Variants in CNBD1 observed in about 807,000 individuals in gnomAD.
The protein encoded by CNBD1 is cyclic nucleotide binding domain containing 1.
Under a neutral mutation model 54.4 loss-of-function variants are expected in CNBD1, and 71 were observed. The observed-to-expected ratio is 1.30, with a 90% CI of 1.08 to 1.59. CNBD1 has a LOEUF of 1.59. Ranked by LOEUF, CNBD1 falls within the 40% of genes most tolerant of loss-of-function variation. The pLI is 0.00. For missense variants in CNBD1, 659 were observed against 518.0 expected (o/e 1.27, Z -2.64); for synonymous variants, 182 against 170.7 (o/e 1.07, Z -0.51).
At chr8:87,288,255 T>G (rs908384680) in intron 8 of CNBD1, among the ~76,000 whole-genome samples, 12 of 152,042 alleles carry the variant, frequency 7.9e-5, no homozygotes, top group African/African-American at 2.9e-4. Context: ...TTTCACCATA[T>G]TTGCTATTTT....
At chr8:87,180,675 T>A (rs1244511166) in intron 4 of CNBD1, among the ~76,000 whole-genome samples, 2 of 152,194 alleles carry the variant, frequency 1.3e-5, no homozygotes, top group Non-Finnish European at 2.9e-5. Context: ...CTGTACCAAT[T>A]AAAACTTAGA....
chr8:87,149,790 G>T (rs747683941), intron 4 of CNBD1, among the ~76,000 whole-genome samples: 8 of 151,944 alleles, frequency 5.3e-5, no homozygotes, highest in Non-Finnish European at 7.4e-5. Context: ...AGAATAGAAG[G>T]TGAAATGATG....
Position 87,080,710 on chromosome 8 carries a change from A to G in CNBD1, c.432-125283A>G, listed in dbSNP as rs182196210. ...GTTCTGTAGTCTTCTTTATGGAAAG[A>G]TTTTAAATTATAATTTATTTATCTT... On this transcript the variant is annotated intron_variant, in intron 4 of 10. Coordinates refer to ENST00000518476, the MANE Select transcript of CNBD1 (RefSeq NM_173538.3). 2.5e-3 allele frequency among the ~76,000 whole-genome samples: 373 copies of G among 152,238 alleles called. 1 individual carries two copies. The highest frequency in any genetic ancestry group is 8.3e-3 in the African/African-American group (345 of 41,542).
chr8:86,894,387 G>A (rs1808820007), intron 2 of CNBD1, among the ~76,000 whole-genome samples: 1 of 152,032 alleles, frequency 6.6e-6, no homozygotes. Context: ...AATAATTTTG[G>A]CTTTACAAAA....
chr8:87,286,140 A>G (rs1177084141), intron 7 of CNBD1, among the ~76,000 whole-genome samples: 1 of 152,086 alleles, frequency 6.6e-6, no homozygotes. Context: ...CCTGATGTTT[A>G]TTTGTTTTGA....
At chr8:87,062,596 G>A (rs1452825879) in intron 4 of CNBD1, among the ~76,000 whole-genome samples, 1 of 152,030 alleles carries the variant, frequency 6.6e-6, no homozygotes, top group Non-Finnish European at 1.5e-5. Flanking sequence ...AATCAGCTGG[G>A]CATGGTGGCA....
intron 2 of CNBD1, among the ~76,000 whole-genome samples, chr8:86,888,243 G>T (rs73268009): frequency 0.013 from 1,977 of 152,114 alleles, 23 homozygotes; most frequent in South Asian, 0.033. Context: ...TCACATCCTT[G>T]TACTTTGCAA....
intron 2 of CNBD1, among the ~76,000 whole-genome samples, chr8:86,894,035 A>AT (rs869060076): frequency 0.065 from 3,419 of 52,274 alleles, 1,214 homozygotes; most frequent in East Asian, 0.099. Context: ...TAATAGATTA[A>AT]TTTTTTTTTT....
intron 3 of CNBD1, among the ~76,000 whole-genome samples, chr8:86,936,281 T>C (rs950781017): frequency 6.6e-6 from 1 of 151,868 alleles, no homozygotes; most frequent in Non-Finnish European, 1.5e-5. Flanking sequence ...AGGGAAAAAA[T>C]TTTTCTATGC....
At chr8:86,898,119 A>C (rs1310033730) in intron 2 of CNBD1, among the ~76,000 whole-genome samples, 1 of 152,154 alleles carries the variant, frequency 6.6e-6, no homozygotes, top group African/African-American at 2.4e-5. Context: ...TTGCAGATAG[A>C]TTTTATAATA....
intron 8 of CNBD1, among the ~76,000 whole-genome samples, chr8:87,320,774 A>C (rs1458163555): frequency 6.6e-6 from 1 of 152,120 alleles, no homozygotes; most frequent in African/African-American, 2.4e-5. Flanking sequence ...TTACAGCATT[A>C]TCAACTGCAA....
At chr8:87,056,167 A>G (rs1383831811) in intron 4 of CNBD1, among the ~76,000 whole-genome samples, 1 of 152,166 alleles carries the variant, frequency 6.6e-6, no homozygotes, top group African/African-American at 2.4e-5. Flanking sequence ...TAACAGAAGC[A>G]TTGTTAGCCT....
At chr8:87,316,941 C>T in intron 8 of CNBD1, among the ~76,000 whole-genome samples, 1 of 151,562 alleles carries the variant, frequency 6.6e-6, no homozygotes, top group South Asian at 2.1e-4. Flanking sequence ...TAAGAAGTCA[C>T]AAGTACTCAA....
chr8:87,371,462 T>C (rs938442173), intron 10 of CNBD1, among the ~76,000 whole-genome samples: 3 of 152,002 alleles, frequency 2.0e-5, no homozygotes, highest in Non-Finnish European at 2.9e-5. Context: ...TAATTTGGAT[T>C]CCTAAGTACT....
intron 8 of CNBD1, among the ~76,000 whole-genome samples, chr8:87,329,253 A>G (rs749836822): frequency 1.2e-4 from 18 of 152,250 alleles, no homozygotes; most frequent in Admixed American, 9.2e-4. Flanking sequence ...CTGGGCTTAC[A>G]TTGATCTATT....
chr8:87,005,797 G>C (rs1809086698), intron 4 of CNBD1, among the ~76,000 whole-genome samples: 1 of 152,104 alleles, frequency 6.6e-6, no homozygotes, highest in Non-Finnish European at 1.5e-5. Flanking sequence ...ATGAGGGCCT[G>C]TGTGATTACG....
At chr8:87,221,222 A>T (rs1586339171) in intron 5 of CNBD1, among the ~76,000 whole-genome samples, 1 of 152,106 alleles carries the variant, frequency 6.6e-6, no homozygotes, top group African/African-American at 2.4e-5. Flanking sequence ...ACTTCATTTT[A>T]AAAATTAGCA....
rs1273687122 is a variant in CNBD1, at chr8:86,942,321, CT to C, written c.431+2569del. Among the ~76,000 whole-genome samples, 7 of 152,240 alleles carry C rather than the reference CT, an allele frequency of 4.6e-5. No individual in the cohort carries two copies. In the South Asian group the frequency reaches 1.2e-3, roughly 27 times the overall value. On this transcript the variant is annotated intron_variant, in intron 4 of 10. Coordinates refer to ENST00000518476, the MANE Select transcript of CNBD1 (RefSeq NM_173538.3). ...TAATTAATTAACATAAACTTAGTGG[CT>C]TACAACAACATAATTTAGTATCTCT...
chr8:87,298,796 G>C lies in CNBD1; in HGVS notation c.1042+12125G>C, dbSNP rs186723495. On this transcript the variant is annotated intron_variant, in intron 8 of 10. Coordinates refer to ENST00000518476, the MANE Select transcript of CNBD1 (RefSeq NM_173538.3). ...ACCATGCCCGGCCCAAATGTGCCTTGGTTTCTTTGCTTTGTCCAGAAGATT... is the reference window on the plus strand; with the variant it reads ...ACCATGCCCGGCCCAAATGTGCCTTCGTTTCTTTGCTTTGTCCAGAAGATT... Among the ~76,000 whole-genome samples the C allele has an allele frequency of 2.0e-5, 3 of 151,986 alleles. No individual in the cohort carries two copies. The East Asian group carries it at 5.8e-4, about 29-fold the overall frequency.
Sources: gnomAD v4.1 joint callset for allele counts (sites outside exome capture counted in the v4.1 genomes callset) on GRCh38, gnomAD v4.1.1 for gene constraint, MANE v1.5 for transcripts, NCBI Gene and HGNC (gene_info 2026-07-23, HGNC 2026-07-21) for gene names.